Variants in RERE observed in about 807,000 individuals in gnomAD.
The protein encoded by RERE is arginine-glutamic acid dipeptide repeats, also known as arginine-glutamic acid dipeptide repeats protein.
RERE carries 40 observed loss-of-function variants against 146.1 expected under a neutral mutation model. That is an observed-to-expected ratio of 0.27 (90% confidence interval 0.21 to 0.36). The LOEUF is 0.36. Among genes scored for constraint, RERE ranks in the 10% least tolerant of loss-of-function variants. The pLI is 1.00. For synonymous variants in RERE, 1,003 were observed against 866.0 expected (o/e 1.16, Z -2.78); for missense variants, 1,933 against 2,138.7 (o/e 0.90, Z 1.90).
intron 2 of RERE, among the ~76,000 whole-genome samples, chr1:8,651,293 C>T (rs1195604776): frequency 6.6e-6 from 1 of 152,028 alleles, no homozygotes; most frequent in Non-Finnish European, 1.5e-5. Flanking sequence ...ACCTGTAGTC[C>T]TAGCTACTCA....
At position 8,431,309 on chromosome 1, in the gene RERE, C is replaced by T. The variant is rs149486544; in HGVS notation, c.1204-8502G>A. On this transcript the variant is annotated intron_variant, in intron 11 of 22. Coordinates refer to ENST00000400908, the MANE Select transcript of RERE (RefSeq NM_001042681.2). ...GCGGCATTAGATTTTCATAGGACCA[C>T]GAATCCTATTGTGAACTGCGCATGT... is the stretch of plus-strand genomic sequence containing the variant. 7.3e-3 allele frequency among the ~76,000 whole-genome samples: 1,109 copies of T among 152,238 alleles called. 7 individuals are homozygous for T. Among genetic ancestry groups the T allele is most frequent in the Non-Finnish European group, 0.011 (765 of 68,010 alleles).
Position 8,393,477 on chromosome 1 carries a change from G to T in RERE, c.1285-27503C>A, listed in dbSNP as rs143377088. Among the ~76,000 whole-genome samples, 432 of 152,146 alleles carry T rather than the reference G, an allele frequency of 2.8e-3. 3 individuals carry two copies. The highest frequency in any genetic ancestry group is 1.0e-2 in the African/African-American group (413 of 41,506). On this transcript the variant is annotated intron_variant, in intron 12 of 22. Coordinates refer to ENST00000400908, the MANE Select transcript of RERE (RefSeq NM_001042681.2). The stretch of plus-strand genomic sequence containing the variant: ...TTCTCTTGCTGACTCAATCTAAACT[G>T]CTCTGGGTGAGCACTCCCCCTTTCC...
chr1:8,559,222 G>A (rs1434468774), intron 4 of RERE, among the ~76,000 whole-genome samples: 26 of 131,388 alleles, frequency 2.0e-4, no homozygotes, highest in African/African-American at 7.6e-4. Context: ...GGAAGTTGAG[G>A]TGAGCCAAGA....
intron 4 of RERE, among the ~76,000 whole-genome samples, chr1:8,592,795 G>A (rs751057366): frequency 6.6e-6 from 1 of 152,082 alleles, no homozygotes; most frequent in African/African-American, 2.4e-5. Flanking sequence ...ATATTTGCGT[G>A]GAGATAATCC....
At position 8,360,550 on chromosome 1, in the gene RERE, G is replaced by C. The variant is rs1240911212; in HGVS notation, c.2957C>G (p.Pro986Arg). ...STHHPPSAHPPPLQLMPQSQP... is the reference protein window; with the variant it reads ...STHHPPSAHPRPLQLMPQSQP... The stretch of plus-strand genomic sequence containing the variant: ...GCTCTGAGGCATGAGTTGCAGGGGT[G>C]GGGGGTGAGCCGACGGGGGGTGATG... Residue 986 changes from proline to arginine, a missense_variant, in exon 18 of 23, where the codon CCA becomes CGA. Physicochemically the swap from Pro to Arg is moderately radical, Grantham distance 103 (BLOSUM62 -2). Coordinates refer to ENST00000400908, the MANE Select transcript of RERE (RefSeq NM_001042681.2). 8 of 917,808 alleles carry C rather than the reference G, an allele frequency of 8.7e-6. No individual in the cohort carries two copies. The highest frequency in any genetic ancestry group is 1.2e-5 in the Non-Finnish European group (8 of 678,942). The allele number at this position is 917,808 out of a possible 1,614,324, so 56.9% of individuals were successfully genotyped here. A position where few individuals can be genotyped will look rare whatever the true frequency, so the allele number is the denominator to read the frequency against.
chr1:8,435,196 C>T (rs893289774), intron 11 of RERE, among the ~76,000 whole-genome samples: 3 of 152,252 alleles, frequency 2.0e-5, no homozygotes, highest in African/African-American at 7.2e-5. Flanking sequence ...TAACCTTACT[C>T]TGCCTTCATT....
intron 1 of RERE, among the ~76,000 whole-genome samples, chr1:8,766,595 T>A (rs892248379): frequency 3.4e-5 from 5 of 144,956 alleles, no homozygotes; most frequent in African/African-American, 1.3e-4. Context: ...AGAGAGACAG[T>A]GGCCTGAACT....
At chr1:8,418,621 T>C (rs1643841799) in intron 12 of RERE, among the ~76,000 whole-genome samples, 1 of 152,236 alleles carries the variant, frequency 6.6e-6, no homozygotes, top group Admixed American at 6.5e-5. Flanking sequence ...AAAAAGTCTT[T>C]GGTTCAAATA....
intron 3 of RERE, among the ~76,000 whole-genome samples, chr1:8,623,614 C>T (rs920682311): frequency 3.9e-5 from 6 of 152,138 alleles, no homozygotes; most frequent in Non-Finnish European, 7.3e-5. Context: ...ATTTGCAGAC[C>T]TCTGCCAAAT....
chr1:8,504,801 C>G (rs1489375449), intron 8 of RERE, among the ~76,000 whole-genome samples: 2 of 151,786 alleles, frequency 1.3e-5, no homozygotes, highest in East Asian at 3.9e-4. Context: ...TGCAGTGAGA[C>G]AAGATTGTGC....
intron 20 of RERE, among the ~76,000 whole-genome samples, chr1:8,357,333 T>C (rs1362452056): frequency 4.6e-5 from 7 of 152,230 alleles, no homozygotes; most frequent in African/African-American, 1.4e-4. Context: ...GCTTCAGATA[T>C]GAGGACGGCA....
chr1:8,658,613 C>T (rs1229436939), intron 1 of RERE, among the ~76,000 whole-genome samples: 3 of 151,864 alleles, frequency 2.0e-5, no homozygotes, highest in Non-Finnish European at 4.4e-5. Context: ...AAAAATTAGC[C>T]GAGCGTGGTG....
intron 1 of RERE, among the ~76,000 whole-genome samples, chr1:8,695,587 TAAAAAAAAAAAAA>T (rs34953565): frequency 1.4e-4 from 5 of 36,726 alleles, no homozygotes; most frequent in African/African-American, 5.9e-4. Context: ...CCATTTCTAC[TAAAAAAAAAAAAA>T]AAAAAAAAAA....
chr1:8,523,650 A>C (rs1292322400), intron 7 of RERE, among the ~76,000 whole-genome samples: 1 of 64,706 alleles, frequency 1.5e-5, no homozygotes, highest in Non-Finnish European at 3.2e-5. Context: ...TATAGAAGAA[A>C]TACATACCAC....
chr1:8,410,592 G>C (rs1028477101), intron 12 of RERE, among the ~76,000 whole-genome samples: 1 of 152,206 alleles, frequency 6.6e-6, no homozygotes, highest in Non-Finnish European at 1.5e-5. Context: ...CAGTCTGCAG[G>C]AATGCTGTAG....
At chr1:8,578,227 TC>T (rs1464553913) in intron 4 of RERE, among the ~76,000 whole-genome samples, 1 of 152,220 alleles carries the variant, frequency 6.6e-6, no homozygotes. Context: ...CACAAACTCC[TC>T]TTTGATTACA....
At chr1:8,534,891 A>C (rs1327851722) in intron 7 of RERE, among the ~76,000 whole-genome samples, 2 of 152,238 alleles carry the variant, frequency 1.3e-5, no homozygotes, top group East Asian at 3.8e-4. Context: ...AAAAGAACAC[A>C]AAATTTCTGT....
At chr1:8,440,331 G>A (rs1337072081) in intron 11 of RERE, among the ~76,000 whole-genome samples, 1 of 152,120 alleles carries the variant, frequency 6.6e-6, no homozygotes, top group African/African-American at 2.4e-5. Flanking sequence ...CACGGCTCAT[G>A]CCTGTAATCC....
Position 8,376,709 on chromosome 1 carries a change from G to C in RERE, c.1285-10735C>G, listed in dbSNP as rs376542819. ...TCTTGATCCAAAAGCAGTGATGCCT[G>C]AGTCTAGATAAGGTAGAGTCCCTAA... On this transcript the variant is annotated intron_variant, in intron 12 of 22. Transcript: ENST00000400908. 4.6e-5 allele frequency among the ~76,000 whole-genome samples: 7 copies of C among 152,368 alleles called. No individual in the cohort carries two copies. The East Asian group carries it at 5.8e-4, about 13-fold the overall frequency.
Sources: allele counts gnomAD v4.1 joint callset (sites outside exome capture counted in the v4.1 genomes callset), GRCh38; gene constraint gnomAD v4.1.1; transcripts MANE v1.5; gene names NCBI Gene and HGNC (gene_info 2026-07-23, HGNC 2026-07-21).